The following MAF variants were observed in gnomAD, a reference collection of about 807,000 sequenced individuals.
MAF encodes transcription factor Maf.
A neutral mutation model predicts 22.0 loss-of-function variants in MAF; 10 were observed. The ratio of observed to expected loss-of-function variants is 0.45; its 90% CI spans 0.28 to 0.77. MAF has a LOEUF of 0.77. Among genes scored for constraint, MAF ranks in the 30% least tolerant of loss-of-function variants. MAF has a pLI of 0.12. For missense variants in MAF, 544 were observed against 548.4 expected, an observed-to-expected ratio of 0.99 and a Z score of 0.08; for synonymous variants, 337 against 255.8, an observed-to-expected ratio of 1.32 and a Z score of -3.03.
chr16:79,596,119 C>T (rs1421772112), intron 1 of MAF: 13 of 1,061,860 alleles, frequency 1.2e-5, no homozygotes, highest in East Asian at 1.0e-4. Context: ...CATATTTGTC[C>T]GGCTCCTCTG....
the MAF span, among the ~76,000 whole-genome samples, chr16:79,352,413 A>T: frequency 1.3e-4 from 20 of 152,182 alleles, no homozygotes; most frequent in South Asian, 3.9e-3. Context: ...GTCAGGGTGG[A>T]TGCCTGACGT....
chr16:79,269,573 C>T, the MAF span, among the ~76,000 whole-genome samples: 6 of 152,052 alleles, frequency 3.9e-5, no homozygotes, highest in African/African-American at 1.4e-4. Flanking sequence ...CTTGAGGTTC[C>T]CCTTGCAGAA....
chr16:79,590,534 G>A (rs1405794580), downstream of MAF, among the ~76,000 whole-genome samples: 2 of 152,170 alleles, frequency 1.3e-5, no homozygotes, highest in Non-Finnish European at 2.9e-5. Flanking sequence ...GGAAGGAAAA[G>A]GTGTCAGAAA....
the MAF span, among the ~76,000 whole-genome samples, chr16:79,526,404 G>A: frequency 0.013 from 2,036 of 152,280 alleles, 19 homozygotes; most frequent in Non-Finnish European, 0.02. Context: ...AGCTCTGGCG[G>A]TAATGGGAGT....
chr16:79,245,594 T>C, the MAF span, among the ~76,000 whole-genome samples: 10 of 151,996 alleles, frequency 6.6e-5, no homozygotes, highest in Admixed American at 2.0e-4. Flanking sequence ...TAGGAACACT[T>C]TTACACTGTT....
the MAF span, among the ~76,000 whole-genome samples, chr16:79,399,287 A>C: frequency 6.6e-6 from 1 of 152,338 alleles, no homozygotes; most frequent in Admixed American, 6.5e-5. Context: ...AATTCTTTGT[A>C]AAGTGCTCAT....
the MAF span, among the ~76,000 whole-genome samples, chr16:79,236,963 A>C: frequency 6.8e-6 from 1 of 147,922 alleles, no homozygotes; most frequent in Admixed American, 6.7e-5. Context: ...AAAAAAACTC[A>C]AATCCAAAAT....
the MAF span, among the ~76,000 whole-genome samples, chr16:79,265,256 G>C: frequency 1.3e-5 from 2 of 152,132 alleles, no homozygotes; most frequent in Non-Finnish European, 2.9e-5. Context: ...TGGCCAAAAA[G>C]TCATGGTGTA....
the MAF span, among the ~76,000 whole-genome samples, chr16:79,416,906 A>G: frequency 6.6e-6 from 1 of 152,168 alleles, no homozygotes; most frequent in Admixed American, 6.5e-5. Flanking sequence ...TTTTTTACTC[A>G]TGAAGTATTA....
chr16:79,489,421 T>C, the MAF span, among the ~76,000 whole-genome samples: 3 of 152,198 alleles, frequency 2.0e-5, no homozygotes, highest in African/African-American at 7.2e-5. Context: ...TGATAAGAGT[T>C]GGGGATATAA....
the MAF span, among the ~76,000 whole-genome samples, chr16:79,545,290 T>C: frequency 1.3e-5 from 2 of 152,078 alleles, no homozygotes; most frequent in Admixed American, 6.6e-5. Flanking sequence ...ACATACACAG[T>C]GTCTGTGTAC....
chr16:79,301,242 G>C, the MAF span, among the ~76,000 whole-genome samples: 1 of 152,102 alleles, frequency 6.6e-6, no homozygotes, highest in Non-Finnish European at 1.5e-5. Context: ...ACGGGACAGG[G>C]GGAAGCGTTT....
chr16:79,357,702 G>T, the MAF span, among the ~76,000 whole-genome samples: 2 of 152,086 alleles, frequency 1.3e-5, no homozygotes, highest in South Asian at 2.1e-4. Context: ...GCTTGGACTG[G>T]TTACTAGATG....
At chr16:79,225,491 C>A in the MAF span, among the ~76,000 whole-genome samples, 6 of 151,928 alleles carry the variant, frequency 3.9e-5, no homozygotes, top group Non-Finnish European at 7.4e-5. Flanking sequence ...CTAAAACAGC[C>A]AAAGCAATGG....
At chr16:79,444,833 A>G in the MAF span, among the ~76,000 whole-genome samples, 2 of 152,174 alleles carry the variant, frequency 1.3e-5, no homozygotes, top group Non-Finnish European at 2.9e-5. Context: ...GAAATCCCAG[A>G]TTGATTTCAA....
the MAF span, among the ~76,000 whole-genome samples, chr16:79,558,160 T>A: frequency 6.6e-6 from 1 of 150,786 alleles, no homozygotes; most frequent in African/African-American, 2.5e-5. Context: ...TTTTCCTGCC[T>A]GTGGGGGGCC....
chr16:79,443,374 C>T, the MAF span, among the ~76,000 whole-genome samples: 2 of 152,162 alleles, frequency 1.3e-5, no homozygotes, highest in African/African-American at 2.4e-5. Flanking sequence ...TCATCCTCTC[C>T]ATCACCTCCA....
At chr16:79,473,838 T>A in the MAF span, among the ~76,000 whole-genome samples, 84 of 152,112 alleles carry the variant, frequency 5.5e-4, no homozygotes, top group African/African-American at 1.7e-3. Context: ...GTTTTAAATT[T>A]AAAAAAAATC....
At chr16:79,437,240 C>G in the MAF span, among the ~76,000 whole-genome samples, 6 of 152,058 alleles carry the variant, frequency 3.9e-5, no homozygotes, top group Admixed American at 1.3e-4. Flanking sequence ...ACCAAATGGA[C>G]ACTTTGCTGT....
Sources: allele counts gnomAD v4.1 joint callset (sites outside exome capture counted in the v4.1 genomes callset), GRCh38; gene constraint gnomAD v4.1.1; transcripts MANE v1.5; gene names NCBI Gene and HGNC (gene_info 2026-07-23, HGNC 2026-07-21).